Variants in SLCO3A1 observed in about 807,000 individuals in gnomAD.
SLCO3A1 encodes PGE1 transporter.
In SLCO3A1, 27 loss-of-function variants were observed where a neutral mutation model predicts 63.1. The ratio of observed to expected loss-of-function variants is 0.43; its 90% CI spans 0.32 to 0.59. The LOEUF (loss-of-function observed/expected upper bound fraction) is 0.59. SLCO3A1 is among the 20% of genes least tolerant of loss of function. SLCO3A1 has a pLI of 0.09. For synonymous variants in SLCO3A1, 473 were observed against 409.9 expected (o/e 1.15, Z -1.86); for missense variants, 773 against 945.8 (o/e 0.82, Z 2.40).
intron 2 of SLCO3A1, among the ~76,000 whole-genome samples, chr15:91,949,202 G>C (rs774293648): frequency 9.2e-5 from 14 of 152,150 alleles, no homozygotes; most frequent in Non-Finnish European, 1.5e-4. Flanking sequence ...AGAGACTGGC[G>C]CTGGGGGGAA....
At chr15:92,097,170 A>G (rs2047549090) in intron 3 of SLCO3A1, among the ~76,000 whole-genome samples, 7 of 152,228 alleles carry the variant, frequency 4.6e-5, no homozygotes, top group Admixed American at 3.9e-4. Flanking sequence ...AATGACCAGA[A>G]TATCTGAGCT....
chr15:92,086,219 C>T (rs1054833509), intron 2 of SLCO3A1, among the ~76,000 whole-genome samples: 2 of 152,158 alleles, frequency 1.3e-5, no homozygotes, highest in Non-Finnish European at 2.9e-5. Flanking sequence ...CAAGTTTTGC[C>T]AAGGTGTTGT....
chr15:91,966,364 C>T (rs1284155197), intron 2 of SLCO3A1, among the ~76,000 whole-genome samples: 2 of 152,106 alleles, frequency 1.3e-5, no homozygotes, highest in African/African-American at 4.8e-5. Flanking sequence ...ACGGACAGCT[C>T]AGATTTTAGC....
At chr15:92,123,386 G>T (rs1436691671) in intron 5 of SLCO3A1, among the ~76,000 whole-genome samples, 1 of 152,090 alleles carries the variant, frequency 6.6e-6, no homozygotes. Flanking sequence ...CAGCCTGGGG[G>T]ACAAGAGTGA....
At chr15:92,168,901 A>G (rs1357202225), downstream of SLCO3A1, among the ~76,000 whole-genome samples, 1 of 152,188 alleles carries the variant, frequency 6.6e-6, no homozygotes, top group Non-Finnish European at 1.5e-5. Flanking sequence ...TTTCTCTTAA[A>G]TGATGGAAAT....
intron 2 of SLCO3A1, among the ~76,000 whole-genome samples, chr15:91,937,494 C>T (rs1899455572): frequency 6.6e-6 from 1 of 152,010 alleles, no homozygotes; most frequent in Non-Finnish European, 1.5e-5. Flanking sequence ...CCGAGGTGGG[C>T]AGATCATGAG....
rs762980183 is a variant in SLCO3A1 at position 92,126,071 on chromosome 15, G to C, written c.1185G>C (p.Ala395=). 1 of 1,613,716 alleles carries C rather than the reference G, an allele frequency of 6.2e-7. No individual in the cohort carries two copies. The highest frequency in any genetic ancestry group is 8.5e-7 in the Non-Finnish European group (1 of 1,179,936). The change falls in exon 6 of 10, where the codon GCG becomes GCC. Residue 395 remains alanine, a synonymous_variant. Coordinates refer to ENST00000318445, the MANE Select transcript of SLCO3A1 (RefSeq NM_013272.4). ...SSANQLLGMT[A]IPCACLGIFL... Reference sequence around the variant, plus strand: ...CTATTTTCCTTCCAGGGATGACTGCGATCCCGTGTGCTTGTCTGGGTATCT... The same window carrying C: ...CTATTTTCCTTCCAGGGATGACTGCCATCCCGTGTGCTTGTCTGGGTATCT...
At chr15:91,951,558 C>CTT (rs527858153) in intron 2 of SLCO3A1, among the ~76,000 whole-genome samples, 104 of 138,110 alleles carry the variant, frequency 7.5e-4, no homozygotes, top group African/African-American at 2.3e-3. Context: ...TTTTTCTTTT[C>CTT]TTTTTTTTTT....
intron 7 of SLCO3A1, among the ~76,000 whole-genome samples, chr15:92,146,705 GA>G (rs2048229282): frequency 6.6e-6 from 1 of 152,180 alleles, no homozygotes; most frequent in African/African-American, 2.4e-5. Context: ...TATTGGGGGG[GA>G]CACATTTATC....
intron 2 of SLCO3A1, among the ~76,000 whole-genome samples, chr15:91,958,780 C>T (rs959551113): frequency 1.3e-5 from 2 of 152,132 alleles, no homozygotes; most frequent in African/African-American, 4.8e-5. Context: ...TAAATGTTGG[C>T]TTGGATGTGG....
chr15:92,118,144 G>A (rs767341989), intron 4 of SLCO3A1, among the ~76,000 whole-genome samples: 55 of 152,294 alleles, frequency 3.6e-4, no homozygotes, highest in Non-Finnish European at 4.1e-4. Context: ...TGGACTTGAA[G>A]TTGTTTTCTT....
chr15:92,003,719 A>G (rs1297840033), intron 2 of SLCO3A1, among the ~76,000 whole-genome samples: 1 of 152,208 alleles, frequency 6.6e-6, no homozygotes, highest in African/African-American at 2.4e-5. Flanking sequence ...GTAGGTATAC[A>G]CAACAGTTAG....
chr15:91,939,179 G>A (rs1418888783), intron 2 of SLCO3A1, among the ~76,000 whole-genome samples: 1 of 152,164 alleles, frequency 6.6e-6, no homozygotes, highest in East Asian at 1.9e-4. Context: ...TCCAATCATG[G>A]TAGAAGGGAA....
intron 5 of SLCO3A1, among the ~76,000 whole-genome samples, chr15:92,121,686 A>G (rs927395286): frequency 3.3e-5 from 5 of 152,160 alleles, no homozygotes; most frequent in African/African-American, 4.8e-5. Context: ...AAATGTGTAG[A>G]GTTAAAAAAA....
intron 2 of SLCO3A1, among the ~76,000 whole-genome samples, chr15:91,969,379 C>T (rs542099729): frequency 2.6e-5 from 4 of 151,654 alleles, no homozygotes; most frequent in Non-Finnish European, 4.4e-5. Context: ...AATCTTGGCT[C>T]ACTGCAACCT....
rs1357441291 is a variant in SLCO3A1 at position 92,076,917 on chromosome 15, A to G, written c.647-17964A>G. Among the ~76,000 whole-genome samples the G allele has an allele frequency of 4.6e-5, 7 of 152,248 alleles. No homozygotes were observed. The East Asian group carries it at 1.3e-3, about 29-fold the overall frequency. On this transcript the variant is annotated intron_variant, in intron 2 of 9. Coordinates refer to ENST00000318445, the MANE Select transcript of SLCO3A1 (RefSeq NM_013272.4). ...TAGTCCATTCTCATGCTGCTAATAA[A>G]GACACACCTACAACTGCATAATTTA...
chr15:92,004,445 T>C (rs960892197), intron 2 of SLCO3A1, among the ~76,000 whole-genome samples: 6 of 152,194 alleles, frequency 3.9e-5, no homozygotes, highest in African/African-American at 1.2e-4. Context: ...GTGATGACAA[T>C]GATGATGACT....
At chr15:92,090,888 C>G (rs371456684) in intron 2 of SLCO3A1, among the ~76,000 whole-genome samples, 1 of 152,158 alleles carries the variant, frequency 6.6e-6, no homozygotes, top group South Asian at 2.1e-4. Flanking sequence ...CACCACAACC[C>G]CATGAAGTCG....
chr15:92,126,173 G>C lies in SLCO3A1; in HGVS notation c.1287G>C (p.Leu429=), dbSNP rs759769143. The C allele has an allele frequency of 2.5e-6, 4 of 1,613,976 alleles. No individual in the cohort carries two copies. In the Admixed American group the frequency reaches 5.0e-5, roughly 20 times the overall value. Residue 429 remains leucine, a synonymous_variant, in exon 6 of 10, where the codon CTG becomes CTC. Transcript: ENST00000318445. ...GAIRMAMLVN[L]VSTACYVSFL... ...TTCGGATGGCCATGCTCGTCAACCT[G>C]GTGTCCACTGCTTGCTACGTCTCCT...
Sources: allele counts gnomAD v4.1 joint callset (sites outside exome capture counted in the v4.1 genomes callset), GRCh38; gene constraint gnomAD v4.1.1; transcripts MANE v1.5; gene names NCBI Gene and HGNC (gene_info 2026-07-23, HGNC 2026-07-21).